MYL6B: variants seen among roughly 807,000 people sequenced by gnomAD.
MYL6B encodes myosin alkali light chain 1 slow a.
In MYL6B, 19 loss-of-function variants were observed where a neutral mutation model predicts 24.5. The observed-to-expected ratio is 0.78, with a 90% CI of 0.54 to 1.14. MYL6B has a LOEUF of 1.14. Among genes scored for constraint, MYL6B ranks in the 50% most tolerant of loss-of-function variants. The pLI, the probability that MYL6B is intolerant of heterozygous loss-of-function variation, is 0.00. For missense variants in MYL6B, 230 were observed against 263.8 expected, an observed-to-expected ratio of 0.87 and a Z score of 0.89; for synonymous variants, 90 against 100.7, an observed-to-expected ratio of 0.89 and a Z score of 0.64.
intron 1 of MYL6B, among the ~76,000 whole-genome samples, chr12:56,153,259 G>A (rs1471897052): frequency 1.3e-5 from 2 of 152,216 alleles, no homozygotes; most frequent in East Asian, 1.9e-4. Flanking sequence ...GAGACAATGA[G>A]GGATGTCATA....
At chr12:56,157,141 T>C (rs1871351495) in intron 5 of MYL6B, 1 of 263,232 alleles carries the variant, frequency 3.8e-6, no homozygotes, top group African/African-American at 2.2e-5. Context: ...ACGCCTGTAA[T>C]CCTAGCACTT....
At chr12:56,154,862 G>C (rs765910200) in intron 3 of MYL6B, 22 bp downstream of exon 3, 6 of 1,609,088 alleles carry the variant, frequency 3.7e-6, no homozygotes, top group Non-Finnish European at 5.1e-6. Context: ...CTCATCTAAG[G>C]CCACTGTCCC....
exon 5 of MYL6B, chr12:56,155,536 A>G (rs1175807736): frequency 6.2e-7 from 1 of 1,613,932 alleles, no homozygotes; most frequent in Non-Finnish European, 8.5e-7. Context: ...GTGTTTGACA[A>G]GGAGGGGAAC....
chr12:56,154,669 C>A, intron 2 of MYL6B, 144 bp from the exon 3 acceptor site: 1 of 861,898 alleles, frequency 1.2e-6, no homozygotes, highest in Non-Finnish European at 1.8e-6. Flanking sequence ...AGGCCCAGAG[C>A]TGGGAATGGG....
chr12:56,157,360 G>A, intron 5 of MYL6B, 108 bp from the exon 6 acceptor site: 1 of 1,075,182 alleles, frequency 9.3e-7, no homozygotes, highest in Non-Finnish European at 1.4e-6. Flanking sequence ...CTGCACTCCA[G>A]CCTGAGCGAC....
At chr12:56,152,936 C>T (rs987557611) in intron 1 of MYL6B, among the ~76,000 whole-genome samples, 1 of 152,052 alleles carries the variant, frequency 6.6e-6, no homozygotes, top group African/African-American at 2.4e-5. Flanking sequence ...TCTCTCCCAG[C>T]GCCCCTGGCA....
At position 56,154,065 on chromosome 12, in the gene MYL6B, GCCT is replaced by G. The variant is rs1348816624; in HGVS notation, c.150_152del (p.Pro51del). On this transcript the variant is annotated inframe_deletion, in exon 2 of 7. Transcript: ENST00000553066. ...CCCAGGCCCCTCAGAAAACCCAGGAGCCTCCAGTCGATCTCTCCAAAGTGGTGG... is the reference window on the plus strand; with the variant it reads ...CCCAGGCCCCTCAGAAAACCCAGGAGCCAGTCGATCTCTCCAAAGTGGTGG... 5 of 1,613,694 alleles carry G rather than the reference GCCT, an allele frequency of 3.1e-6. No homozygotes were observed. The African/African-American group carries it at 6.7e-5, about 22-fold the overall frequency.
intron 5 of MYL6B, chr12:56,155,876 A>G: frequency 7.7e-7 from 1 of 1,303,190 alleles, no homozygotes; most frequent in Non-Finnish European, 9.9e-7. Flanking sequence ...AAGTCTCGTA[A>G]CCTCCTGGGA....
At chr12:56,153,530 A>G in intron 1 of MYL6B, 1 of 961,738 alleles carries the variant, frequency 1.0e-6, no homozygotes, top group Admixed American at 6.1e-5. Flanking sequence ...CCACCCTTCA[A>G]GAAGACTAAA....
intron 5 of MYL6B, chr12:56,157,070 A>T: frequency 6.4e-6 from 1 of 155,288 alleles, no homozygotes; most frequent in Non-Finnish European, 1.4e-5. Flanking sequence ...AAAAAATTAC[A>T]ATTGTTATGT....
At position 56,154,859 on chromosome 12, in the gene MYL6B, A is replaced by T. The variant is rs1436860639; in HGVS notation, c.202+19A>T. ...CTGGAGGGTGAGGAGAAGCTCATCT[A>T]AGGCCACTGTCCCATCCCCAATCCC... is the stretch of plus-strand genomic sequence containing the variant. On this transcript the variant is annotated intron_variant, in intron 3 of 6. Coordinates refer to ENST00000553066, the Ensembl canonical transcript of MYL6B. 2.5e-6 allele frequency: 4 copies of T among 1,611,014 alleles called. No homozygotes were observed. In the East Asian group the frequency reaches 8.9e-5, roughly 36 times the overall value.
rs1197451062 is a variant in MYL6B, at chr12:56,155,602, G to A, written c.520+10G>A. On this transcript the variant is annotated intron_variant, in intron 5 of 6. Coordinates refer to ENST00000553066, the Ensembl canonical transcript of MYL6B. ...GTTCTCACCACCCTTGGTGAGGCAG[G>A]CAAGGGGGACCAGAACTCCTTTAGA... 1.2e-6 allele frequency: 2 copies of A among 1,612,100 alleles called. No individual in the cohort carries two copies. Among genetic ancestry groups the A allele is most frequent in the South Asian group, 2.2e-5 (2 of 90,864 alleles).
chr12:56,153,180 A>G (rs1204718837), intron 1 of MYL6B, among the ~76,000 whole-genome samples: 1 of 152,162 alleles, frequency 6.6e-6, no homozygotes, highest in Non-Finnish European at 1.5e-5. Flanking sequence ...CTTCCATGGA[A>G]GAATGGGTAG....
chr12:56,155,088 T>C (rs1871254937), exon 4 of MYL6B: 2 of 1,613,490 alleles, frequency 1.2e-6, no homozygotes, highest in East Asian at 2.2e-5. Flanking sequence ...TTTGACCGAG[T>C]GGGGGATGGC....
exon 3 of MYL6B, chr12:56,154,830 C>A (rs186296129): frequency 6.2e-7 from 1 of 1,613,050 alleles, no homozygotes; most frequent in Admixed American, 1.7e-5. Flanking sequence ...TTAACAAGGA[C>A]CAGCTGGAGG....
chr12:56,156,307 C>CAA (rs35978029), intron 5 of MYL6B: 4 of 73,216 alleles, frequency 5.5e-5, no homozygotes, highest in Non-Finnish European at 1.1e-4. Context: ...GGTTCTGTCT[C>CAA]AAAAAAAAAA....
chr12:56,157,373 G>C, intron 5 of MYL6B, 95 bp from the exon 6 acceptor site: 2 of 1,208,962 alleles, frequency 1.7e-6, no homozygotes, highest in Non-Finnish European at 2.4e-6. Flanking sequence ...TGAGCGACAG[G>C]AGCGAAACTC....
intron 3 of MYL6B, 45 bp downstream of exon 3, chr12:56,154,885 CT>C (rs1216279088): frequency 4.4e-6 from 7 of 1,597,110 alleles, no homozygotes; most frequent in East Asian, 2.2e-5. Flanking sequence ...CCCCAATCCC[CT>C]GGTCAGATTC....
chr12:56,155,959 G>A (rs1283431918), intron 5 of MYL6B: 5 of 1,187,970 alleles, frequency 4.2e-6, no homozygotes, highest in Non-Finnish European at 5.3e-6. Context: ...CATGACCAGG[G>A]GAGGATTCCC....
Sources: gnomAD v4.1 joint callset for allele counts (sites outside exome capture counted in the v4.1 genomes callset) on GRCh38, gnomAD v4.1.1 for gene constraint, MANE v1.5 for transcripts, NCBI Gene and HGNC (gene_info 2026-07-23, HGNC 2026-07-21) for gene names.